Variants in ALK observed in about 807,000 individuals in gnomAD.
The protein encoded by ALK is ALK receptor tyrosine kinase.
Under a neutral mutation model 163.1 loss-of-function variants are expected in ALK, and 74 were observed. That is an observed-to-expected ratio of 0.45 (90% CI 0.38 to 0.55). The LOEUF is 0.55. Among genes scored for constraint, ALK ranks in the 20% least tolerant of loss-of-function variants. The pLI, the probability that ALK is intolerant of heterozygous loss-of-function variation, is 0.00. For missense variants in ALK, 2,063 were observed against 2,105.3 expected, an observed-to-expected ratio of 0.98 and a Z score of 0.39; for synonymous variants, 960 against 843.2, an observed-to-expected ratio of 1.14 and a Z score of -2.40.
intron 1 of ALK, among the ~76,000 whole-genome samples, chr2:29,782,290 G>C (rs1663848541): frequency 6.6e-6 from 1 of 152,068 alleles, no homozygotes; most frequent in African/African-American, 2.4e-5. Flanking sequence ...AGAGACCTGT[G>C]GGTTTATAAG....
At chr2:29,243,049 A>T (rs1664564057) in intron 12 of ALK, among the ~76,000 whole-genome samples, 2 of 152,222 alleles carry the variant, frequency 1.3e-5, no homozygotes, top group Admixed American at 1.3e-4. Flanking sequence ...CTCCTCTGGA[A>T]GCTTCTAGTT....
intron 5 of ALK, among the ~76,000 whole-genome samples, chr2:29,372,969 C>T (rs1022982125): frequency 1.3e-5 from 2 of 152,032 alleles, no homozygotes; most frequent in African/African-American, 4.8e-5. Flanking sequence ...TTATCTGGGT[C>T]CACCCTGTTT....
intron 1 of ALK, among the ~76,000 whole-genome samples, chr2:29,719,888 G>A (rs1422587703): frequency 1.3e-5 from 2 of 152,140 alleles, no homozygotes; most frequent in African/African-American, 2.4e-5. Flanking sequence ...TAGGGCAAGT[G>A]GGAAGGGTCT....
intron 1 of ALK, among the ~76,000 whole-genome samples, chr2:29,870,052 T>C (rs778896136): frequency 1.3e-5 from 2 of 152,228 alleles, no homozygotes; most frequent in Non-Finnish European, 2.9e-5. Flanking sequence ...AGTAGTCTCA[T>C]ACATTGCTGG....
At chr2:29,674,783 C>T (rs532923884) in intron 3 of ALK, among the ~76,000 whole-genome samples, 51 of 147,004 alleles carry the variant, frequency 3.5e-4, no homozygotes, top group Middle Eastern at 3.5e-3. Context: ...TGGTAGAATT[C>T]GGCTGTGAAT....
At chr2:29,386,293 C>T (rs1159864029) in intron 4 of ALK, among the ~76,000 whole-genome samples, 1 of 152,184 alleles carries the variant, frequency 6.6e-6, no homozygotes, top group Non-Finnish European at 1.5e-5. Flanking sequence ...ATTATTGCTG[C>T]TGTAAAGTTT....
intron 4 of ALK, among the ~76,000 whole-genome samples, chr2:29,441,413 A>G (rs1417621704): frequency 1.3e-5 from 2 of 152,136 alleles, no homozygotes; most frequent in East Asian, 3.9e-4. Context: ...GCTGGGGGAC[A>G]TGTAGGAATG....
chr2:29,901,167 C>T (rs1300694824), intron 1 of ALK, among the ~76,000 whole-genome samples: 1 of 152,202 alleles, frequency 6.6e-6, no homozygotes, highest in East Asian at 1.9e-4. Flanking sequence ...CACTTAACCC[C>T]ACAGAGCCTC....
chr2:29,554,327 TAG>T (rs1673790362), intron 3 of ALK, among the ~76,000 whole-genome samples: 1 of 152,144 alleles, frequency 6.6e-6, no homozygotes, highest in Non-Finnish European at 1.5e-5. Context: ...CTATTAGAGC[TAG>T]AGAGAGAAAA....
chr2:29,764,320 G>A (rs940521831), intron 1 of ALK, among the ~76,000 whole-genome samples: 1 of 152,134 alleles, frequency 6.6e-6, no homozygotes, highest in African/African-American at 2.4e-5. Flanking sequence ...TGGTCTAGTT[G>A]TATGCTGGAT....
At chr2:29,395,635 T>C (rs1215541764) in intron 4 of ALK, among the ~76,000 whole-genome samples, 3 of 152,204 alleles carry the variant, frequency 2.0e-5, no homozygotes, top group Non-Finnish European at 2.9e-5. Context: ...GAAATGAGAA[T>C]TGTTGCTCTA....
At chr2:29,768,713 C>CTGTGTGTGTGTG (rs1553359129) in intron 1 of ALK, among the ~76,000 whole-genome samples, 8 of 142,862 alleles carry the variant, frequency 5.6e-5, no homozygotes, top group African/African-American at 1.0e-4. Flanking sequence ...TTATATATGT[C>CTGTGTGTGTGTG]TGTGTGTGTG....
Position 29,673,430 on chromosome 2 carries a change from T to C in ALK, c.952+21420A>G, listed in dbSNP as rs1264670817. Among the ~76,000 whole-genome samples the C allele has an allele frequency of 5.2e-4, 71 of 136,476 alleles. 1 individual carries two copies. In the East Asian group the frequency reaches 0.014, roughly 27 times the overall value. 89.5% of individuals were successfully genotyped at this position (136,476 alleles called of 152,430 possible). ...GTTTTCCCAGCACCATTTATTAAAT[T>C]GGGAATCCTTTCCCCATTGCTTGTT... On this transcript the variant is annotated intron_variant, in intron 3 of 28. Transcript: ENST00000389048.
chr2:29,739,427 A>G (rs1343320201), intron 1 of ALK, among the ~76,000 whole-genome samples: 1 of 151,502 alleles, frequency 6.6e-6, no homozygotes, highest in Non-Finnish European at 1.5e-5. Context: ...GCGTGGTGGT[A>G]TGTGCCTGTA....
intron 3 of ALK, among the ~76,000 whole-genome samples, chr2:29,578,523 C>T (rs1175449908): frequency 6.6e-6 from 1 of 152,186 alleles, no homozygotes; most frequent in African/African-American, 2.4e-5. Context: ...TTTCCTAACT[C>T]TGTGGAGTCC....
At chr2:29,273,101 G>C (rs1665436203) in intron 11 of ALK, among the ~76,000 whole-genome samples, 1 of 152,230 alleles carries the variant, frequency 6.6e-6, no homozygotes, top group Non-Finnish European at 1.5e-5. Context: ...GGGCCTCCCA[G>C]GTAGAAGCTC....
At chr2:29,743,312 G>C (rs1263274078) in intron 1 of ALK, among the ~76,000 whole-genome samples, 1 of 152,128 alleles carries the variant, frequency 6.6e-6, no homozygotes, top group Admixed American at 6.5e-5. Flanking sequence ...TATGATGTTC[G>C]ACTTGGAAAC....
chr2:29,886,832 C>T (rs558277525), intron 1 of ALK, among the ~76,000 whole-genome samples: 6 of 152,320 alleles, frequency 3.9e-5, no homozygotes, highest in African/African-American at 1.4e-4. Context: ...TAGCTCAACA[C>T]CTGGCAAATT....
At chr2:29,872,625 A>G (rs1666609254) in intron 1 of ALK, among the ~76,000 whole-genome samples, 1 of 152,200 alleles carries the variant, frequency 6.6e-6, no homozygotes, top group Non-Finnish European at 1.5e-5. Context: ...GCAAAAGGGT[A>G]TCATACTGCA....
Sources: gnomAD v4.1 joint callset for allele counts (sites outside exome capture counted in the v4.1 genomes callset) on GRCh38, gnomAD v4.1.1 for gene constraint, MANE v1.5 for transcripts, NCBI Gene and HGNC (gene_info 2026-07-23, HGNC 2026-07-21) for gene names.